Variants in PDE4D observed in about 807,000 individuals in gnomAD.
PDE4D encodes 3',5'-cyclic-AMP phosphodiesterase 4D.
A neutral mutation model predicts 87.4 loss-of-function variants in PDE4D; 24 were observed. That is an observed-to-expected ratio of 0.27 (90% CI 0.20 to 0.39). PDE4D has a LOEUF of 0.39. Among genes scored for constraint, PDE4D ranks in the 10% least tolerant of loss-of-function variants. The pLI, the probability that PDE4D is intolerant of heterozygous loss-of-function variation, is 1.00. For missense variants in PDE4D, 714 were observed against 1,041.0 expected (o/e 0.69, Z 4.32); for synonymous variants, 384 against 383.2 (o/e 1.00, Z -0.02).
chr5:59,273,792 A>G (rs1764299462), intron 1 of PDE4D, among the ~76,000 whole-genome samples: 1 of 152,182 alleles, frequency 6.6e-6, no homozygotes, highest in Admixed American at 6.6e-5. Context: ...ATCCCATACA[A>G]TTTAAAACAA....
At chr5:59,144,080 C>T (rs981616278) in intron 5 of PDE4D, among the ~76,000 whole-genome samples, 1 of 152,176 alleles carries the variant, frequency 6.6e-6, no homozygotes, top group African/African-American at 2.4e-5. Flanking sequence ...AAGAAACCAT[C>T]GGGGGTTTCT....
chr5:60,283,858 A>G (rs1306910075), intron 1 of PDE4D, among the ~76,000 whole-genome samples: 2 of 152,256 alleles, frequency 1.3e-5, no homozygotes, highest in Non-Finnish European at 2.9e-5. Context: ...GAAAAGGGAA[A>G]GGCACATGAG....
intron 1 of PDE4D, among the ~76,000 whole-genome samples, chr5:59,515,613 C>G (rs529836235): frequency 6.6e-6 from 1 of 152,006 alleles, no homozygotes; most frequent in South Asian, 2.1e-4. Context: ...AATATTTGTT[C>G]GATATAAAAA....
At chr5:59,091,417 G>T (rs939130117) in intron 5 of PDE4D, among the ~76,000 whole-genome samples, 6 of 151,940 alleles carry the variant, frequency 3.9e-5, no homozygotes, top group Admixed American at 2.0e-4. Flanking sequence ...GTAAATTGTG[G>T]TTCCTTTATA....
At position 59,893,603 on chromosome 5, in the gene PDE4D, C is replaced by A; in HGVS notation, c.20G>T (p.Ser7Ile). MEAEGS[S>I]APARAGSGEG... is the part of the protein sequence containing the mutation. ...TCCGCTGCCCGCCCGGGCCGGCGCGCTGCTGCCCTCTGCCTCCATCCTGGC... is the reference window on the plus strand; with the variant it reads ...TCCGCTGCCCGCCCGGGCCGGCGCGATGCTGCCCTCTGCCTCCATCCTGGC... The change falls in exon 1 of 15, where the codon AGC (serine) becomes ATC (isoleucine). Residue 7 changes from serine to isoleucine, a missense_variant. Coordinates refer to ENST00000340635, the MANE Select transcript of PDE4D (RefSeq NM_001104631.2). 1 of 1,514,292 alleles carries A rather than the reference C, an allele frequency of 6.6e-7. No homozygotes were observed. Among genetic ancestry groups the A allele is most frequent in the Non-Finnish European group, 8.8e-7 (1 of 1,132,990 alleles). The allele number at this position is 1,514,292 out of a possible 1,614,324, so 93.8% of individuals were successfully genotyped here.
intron 1 of PDE4D, among the ~76,000 whole-genome samples, chr5:59,752,469 G>A (rs922970158): frequency 2.0e-5 from 3 of 152,122 alleles, no homozygotes; most frequent in African/African-American, 7.2e-5. Context: ...ATAGATTCCT[G>A]AACCTCTTTG....
intron 6 of PDE4D, among the ~76,000 whole-genome samples, chr5:58,994,826 A>G (rs762977203): frequency 3.3e-5 from 5 of 152,058 alleles, no homozygotes; most frequent in Non-Finnish European, 4.4e-5. Context: ...GTTGGATGAG[A>G]GAAATGTGTA....
intron 1 of PDE4D, among the ~76,000 whole-genome samples, chr5:59,478,983 T>C (rs1221887756): frequency 4.6e-5 from 7 of 152,128 alleles, no homozygotes; most frequent in Admixed American, 1.3e-4. Flanking sequence ...TGTATGCTCA[T>C]AGTAACCTCT....
At chr5:59,874,336 A>AT in intron 1 of PDE4D, among the ~76,000 whole-genome samples, 1 of 152,348 alleles carries the variant, frequency 6.6e-6, no homozygotes, top group South Asian at 2.1e-4. Context: ...ATTATTGGAA[A>AT]TTTTATCACA....
intron 5 of PDE4D, among the ~76,000 whole-genome samples, chr5:59,105,807 G>T (rs541665901): frequency 4.5e-4 from 69 of 152,170 alleles, no homozygotes; most frequent in Non-Finnish European, 4.6e-4. Flanking sequence ...TGGCCCAGGG[G>T]TCAGACTCAG....
intron 1 of PDE4D, among the ~76,000 whole-genome samples, chr5:59,507,664 C>CAAAAA (rs1284106865): frequency 2.1e-3 from 163 of 79,056 alleles, no homozygotes; most frequent in African/African-American, 5.0e-3. Context: ...TACCCTGTCT[C>CAAAAA]AAAAAAAAAA....
intron 1 of PDE4D, among the ~76,000 whole-genome samples, chr5:59,403,188 G>T (rs1344723651): frequency 6.6e-6 from 1 of 151,336 alleles, no homozygotes; most frequent in Non-Finnish European, 1.5e-5. Flanking sequence ...TAGATAGATA[G>T]ATTGATTGAT....
At chr5:59,046,549 G>A (rs1049949518) in intron 5 of PDE4D, among the ~76,000 whole-genome samples, 16 of 151,576 alleles carry the variant, frequency 1.1e-4, no homozygotes, top group African/African-American at 3.9e-4. Context: ...ATGTGTGTGT[G>A]TGTGTGTGTG....
Position 60,121,990 on chromosome 5 carries a change from G to A in PDE4D, c.42+63567C>T, listed in dbSNP as rs115902073. On this transcript the variant is annotated intron_variant, in intron 2 of 16. Coordinates refer to the PDE4D transcript ENST00000502484. The stretch of plus-strand genomic sequence containing the variant: ...TTGGCCAAAACGAAGTGGTTACAGG[G>A]CCCATGCAAGCTCAAAATCCAGCAG... 5.8e-3 allele frequency among the ~76,000 whole-genome samples: 883 copies of A among 152,192 alleles called. 11 individuals carry two copies. The highest frequency in any genetic ancestry group is 0.02 in the African/African-American group (848 of 41,520).
intron 1 of PDE4D, among the ~76,000 whole-genome samples, chr5:60,368,472 A>C (rs1443837196): frequency 1.3e-5 from 2 of 152,152 alleles, no homozygotes; most frequent in African/African-American, 4.8e-5. Context: ...ATTTTGCTTT[A>C]ATGCATGAAA....
intron 1 of PDE4D, among the ~76,000 whole-genome samples, chr5:59,845,547 T>C (rs1165037148): frequency 6.6e-6 from 1 of 152,070 alleles, no homozygotes; most frequent in African/African-American, 2.4e-5. Flanking sequence ...TCTCAGGAAA[T>C]AGCAACACAT....
intron 1 of PDE4D, among the ~76,000 whole-genome samples, chr5:60,507,533 G>C (rs1047966969): frequency 6.6e-6 from 1 of 151,766 alleles, no homozygotes; most frequent in South Asian, 2.1e-4. Context: ...TTTGGTATCT[G>C]GTGCAAAAAG....
At chr5:59,282,353 ATTGGAGGCTGC>A (rs1400968756) in intron 1 of PDE4D, among the ~76,000 whole-genome samples, 1 of 152,074 alleles carries the variant, frequency 6.6e-6, no homozygotes, top group Admixed American at 6.6e-5. Context: ...TTAAAATAAG[ATTGGAGGCTGC>A]GCGCGGTGGC....
chr5:60,418,157 G>A (rs1742776717), intron 1 of PDE4D, among the ~76,000 whole-genome samples: 1 of 150,234 alleles, frequency 6.7e-6, no homozygotes, highest in Non-Finnish European at 1.5e-5. Flanking sequence ...AAATTCAGAA[G>A]AGCAAGTGAG....
Sources: gnomAD v4.1 joint callset for allele counts (sites outside exome capture counted in the v4.1 genomes callset) on GRCh38, gnomAD v4.1.1 for gene constraint, MANE v1.5 for transcripts, NCBI Gene and HGNC (gene_info 2026-07-23, HGNC 2026-07-21) for gene names.